Variants in RHOG observed in about 807,000 individuals in gnomAD.
The protein encoded by RHOG is ras homolog family member G.
A neutral mutation model predicts 12.3 loss-of-function variants in RHOG; 1 was observed. That is an observed-to-expected ratio of 0.08 (90% CI 0.03 to 0.39). RHOG has a LOEUF of 0.39. Among genes scored for constraint, RHOG ranks in the 10% least tolerant of loss-of-function variants. The probability of loss-of-function intolerance (pLI) is 0.99; values close to 1 mark genes in which losing one functional copy is unlikely to be tolerated. For missense variants in RHOG, 114 were observed against 266.2 expected, an observed-to-expected ratio of 0.43 and a Z score of 3.98; for synonymous variants, 129 against 116.0, an observed-to-expected ratio of 1.11 and a Z score of -0.72.
chr11:3,835,645 C>T (rs1199428935), intron 1 of RHOG, among the ~76,000 whole-genome samples: 2 of 152,168 alleles, frequency 1.3e-5, no homozygotes, highest in Non-Finnish European at 2.9e-5. Flanking sequence ...GTAATAAACA[C>T]ATAAGCTATA....
chr11:3,827,536 G>A lies in RHOG; in HGVS notation c.*27C>T, dbSNP rs756646376. 6 of 1,575,544 alleles carry A rather than the reference G, an allele frequency of 3.8e-6. No individual in the cohort carries two copies. The highest frequency in any genetic ancestry group is 5.2e-6 in the Non-Finnish European group (6 of 1,159,970). On this transcript the variant is annotated 3_prime_UTR_variant, in exon 2 of 2. Transcript: ENST00000351018. The surrounding 1 kb of genome is among the most constrained non-coding windows in gnomAD (Gnocchi z 7.3). ...GGCACAACTGGTGGGGGGAGGGCAG[G>A]GGCAGCCTCCAAGCCAAGTGCCAGG...
intron 1 of RHOG, among the ~76,000 whole-genome samples, chr11:3,830,232 C>T (rs1206331529): frequency 6.6e-6 from 1 of 152,124 alleles, no homozygotes; most frequent in Non-Finnish European, 1.5e-5. Context: ...GAGTAAGACT[C>T]GCAGGTATTC....
At chr11:3,829,229 G>T (rs1461880564) in intron 1 of RHOG, among the ~76,000 whole-genome samples, 1 of 151,570 alleles carries the variant, frequency 6.6e-6, no homozygotes, top group East Asian at 1.9e-4. Flanking sequence ...CCCAATCCAG[G>T]GTATTCTGGC....
rs11029996 is a variant in RHOG, at chr11:3,833,936, G to A, written c.-68-5730C>T. Among the ~76,000 whole-genome samples the A allele has an allele frequency of 2.7e-3, 415 of 152,176 alleles. 3 individuals carry two copies. The highest frequency in any genetic ancestry group is 9.3e-3 in the African/African-American group (388 of 41,508). ...GCATAAGGTTACTGAATTCTTCTTT[G>A]GATATCCATTGCATGGCTACCTGTC... is the stretch of plus-strand genomic sequence containing the variant. On this transcript the variant is annotated intron_variant, in intron 1 of 1. Transcript: ENST00000351018.
intron 1 of RHOG, among the ~76,000 whole-genome samples, chr11:3,828,766 A>T (rs369950819): frequency 6.6e-6 from 1 of 151,124 alleles, no homozygotes; most frequent in Non-Finnish European, 1.5e-5. Flanking sequence ...GACTACAGGC[A>T]CCCACCACCA....
chr11:3,828,345 C>T (rs977259097), intron 1 of RHOG, 139 bp from the exon 2 acceptor site: 3 of 586,968 alleles, frequency 5.1e-6, no homozygotes. Context: ...AGACGGTCAT[C>T]AGAAAGACAC....
In RHOG at chr11:3,836,081, C is replaced by G. The variant is rs376102577; in HGVS notation, c.-69+4813G>C. Among the ~76,000 whole-genome samples, 39 of 151,312 alleles carry G rather than the reference C, an allele frequency of 2.6e-4. No individual in the cohort carries two copies. In the East Asian group the frequency reaches 7.2e-3, roughly 28 times the overall value. ...AAAAAAAAAAAAATCCCCCGGGTGC[C>G]GTGGCTCACGTCTGTAATCCCAGCA... On this transcript the variant is annotated intron_variant, in intron 1 of 1. Transcript: ENST00000351018.
chr11:3,839,349 C>T (rs2090175545), intron 1 of RHOG, among the ~76,000 whole-genome samples: 2 of 152,162 alleles, frequency 1.3e-5, no homozygotes, highest in East Asian at 3.9e-4. Flanking sequence ...CGGCTTCCTC[C>T]TGCCTAACCA....
Position 3,827,399 on chromosome 11 carries a change from A to G in RHOG, c.*164T>C. ...CAGAGCCCAAAGCCCCTTTCTCTGC[A>G]GGCCTCCTTAAGGAGAAAAAGGCAC... On this transcript the variant is annotated 3_prime_UTR_variant, in exon 2 of 2. Coordinates refer to ENST00000351018, the MANE Select transcript of RHOG (RefSeq NM_001665.4). The surrounding 1 kb of genome is among the most constrained non-coding windows in gnomAD (Gnocchi z 7.3). The G allele has an allele frequency of 1.6e-6, 1 of 617,346 alleles. No individual in the cohort carries two copies. Among genetic ancestry groups the G allele is most frequent in the Non-Finnish European group, 2.8e-6 (1 of 352,440 alleles). The allele number at this position is 617,346 out of a possible 1,614,324, so 38.2% of individuals were successfully genotyped here. A position where few individuals can be genotyped will look rare whatever the true frequency, so the allele number is the denominator to read the frequency against.
chr11:3,838,751 C>T (rs2090170790), intron 1 of RHOG, among the ~76,000 whole-genome samples: 1 of 152,148 alleles, frequency 6.6e-6, no homozygotes, highest in African/African-American at 2.4e-5. Flanking sequence ...GAAATGAATA[C>T]AGATGACTAG....
At chr11:3,839,581 G>C (rs1478733366) in intron 1 of RHOG, among the ~76,000 whole-genome samples, 1 of 126,612 alleles carries the variant, frequency 7.9e-6, no homozygotes, top group African/African-American at 3.2e-5. Flanking sequence ...ACACAGACAC[G>C]CGCGTGCGAA....
intron 1 of RHOG, among the ~76,000 whole-genome samples, chr11:3,836,370 A>AAAAAAG (rs1554947970): frequency 5.2e-5 from 5 of 95,892 alleles, no homozygotes; most frequent in African/African-American, 1.6e-4. Context: ...AAAAAAAAAA[A>AAAAAAG]AAAGAAAGAA....
intron 1 of RHOG, among the ~76,000 whole-genome samples, chr11:3,831,551 G>A (rs1407879100): frequency 6.6e-6 from 1 of 152,146 alleles, no homozygotes; most frequent in Non-Finnish European, 1.5e-5. Context: ...CCTCAGACTG[G>A]AAGTTGAGAG....
intron 1 of RHOG, among the ~76,000 whole-genome samples, chr11:3,834,682 TGGCCCAGGCA>T (rs2090147295): frequency 6.6e-6 from 1 of 152,134 alleles, no homozygotes; most frequent in Non-Finnish European, 1.5e-5. Context: ...CCTTGGGGTG[TGGCCCAGGCA>T]GGCCCAGAAT....
intron 1 of RHOG, among the ~76,000 whole-genome samples, chr11:3,832,550 C>G (rs192315975): frequency 3.0e-4 from 46 of 152,294 alleles, no homozygotes; most frequent in African/African-American, 9.4e-4. Context: ...ACTTTGTAAA[C>G]TGAAGTGCTG....
At chr11:3,833,081 A>G (rs1362675509) in intron 1 of RHOG, among the ~76,000 whole-genome samples, 1 of 152,084 alleles carries the variant, frequency 6.6e-6, no homozygotes, top group Non-Finnish European at 1.5e-5. Context: ...TATTTAGTAA[A>G]TCAATGGTTG....
At chr11:3,828,816 T>G (rs905264728) in intron 1 of RHOG, among the ~76,000 whole-genome samples, 2 of 151,572 alleles carry the variant, frequency 1.3e-5, no homozygotes, top group Non-Finnish European at 3.0e-5. Flanking sequence ...GAGATGGGGT[T>G]TCACCGTGTT....
At chr11:3,832,366 G>C (rs930159502) in intron 1 of RHOG, among the ~76,000 whole-genome samples, 1 of 152,138 alleles carries the variant, frequency 6.6e-6, no homozygotes, top group African/African-American at 2.4e-5. Context: ...TGTTTTCCTT[G>C]GTGCATCATA....
At chr11:3,828,735 C>G (rs1418312379) in intron 1 of RHOG, among the ~76,000 whole-genome samples, 3 of 150,636 alleles carry the variant, frequency 2.0e-5, no homozygotes, top group Non-Finnish European at 4.4e-5. Flanking sequence ...GCCATTCTGC[C>G]TCAGCCTCTC....
Sources: allele counts gnomAD v4.1 joint callset (sites outside exome capture counted in the v4.1 genomes callset), GRCh38; gene constraint gnomAD v4.1.1; non-coding constraint Gnocchi (gnomAD v3.1); transcripts MANE v1.5; gene names NCBI Gene and HGNC (gene_info 2026-07-23, HGNC 2026-07-21).